RBFOX1: variants seen among roughly 807,000 people sequenced by gnomAD.
RBFOX1 encodes RNA binding fox-1 homolog 1.
Under a neutral mutation model 57.7 loss-of-function variants are expected in RBFOX1, and 8 were observed. The observed-to-expected ratio is 0.14, with a 90% confidence interval of 0.08 to 0.25. The LOEUF (loss-of-function observed/expected upper bound fraction) is 0.25. RBFOX1 is among the 10% of genes least tolerant of loss of function. The probability of loss-of-function intolerance (pLI) is 1.00; values close to 1 mark genes in which losing one functional copy is unlikely to be tolerated. For missense variants in RBFOX1, 611 were observed against 548.5 expected (o/e 1.11, Z -1.14); for synonymous variants, 326 against 222.4 (o/e 1.47, Z -4.15).
intron 1 of RBFOX1, among the ~76,000 whole-genome samples, chr16:5,286,066 G>T (rs1322460030): frequency 2.6e-5 from 4 of 152,144 alleles, no homozygotes; most frequent in Non-Finnish European, 4.4e-5. Flanking sequence ...CACCACACCT[G>T]GCCAGACTGC....
intron 2 of RBFOX1, among the ~76,000 whole-genome samples, chr16:5,480,568 C>T (rs1000927644): frequency 6.6e-6 from 1 of 152,222 alleles, no homozygotes; most frequent in Non-Finnish European, 1.5e-5. Context: ...CCCAGTCCAC[C>T]AGCCCAGCCT....
At chr16:5,874,869 C>T (rs1460890579) in intron 4 of RBFOX1, among the ~76,000 whole-genome samples, 2 of 152,150 alleles carry the variant, frequency 1.3e-5, no homozygotes, top group South Asian at 2.1e-4. Context: ...CACTTGGGAC[C>T]CAGGAGTTTG....
intron 3 of RBFOX1, among the ~76,000 whole-genome samples, chr16:5,765,548 C>T (rs958238459): frequency 5.9e-5 from 9 of 152,168 alleles, no homozygotes; most frequent in African/African-American, 1.9e-4. Flanking sequence ...TACCTAGTGC[C>T]AGACACACAG....
chr16:6,961,557 C>G (rs2083019515), intron 3 of RBFOX1, among the ~76,000 whole-genome samples: 1 of 152,194 alleles, frequency 6.6e-6, no homozygotes, highest in Admixed American at 6.5e-5. Context: ...AGCGAAGAAA[C>G]AAACGAATGG....
intron 2 of RBFOX1, among the ~76,000 whole-genome samples, chr16:5,476,652 T>G (rs931608695): frequency 5.3e-5 from 8 of 152,228 alleles, no homozygotes; most frequent in African/African-American, 1.9e-4. Flanking sequence ...ATTTACTTGT[T>G]GAGGACAAGA....
At chr16:6,962,613 C>G (rs1038678870) in intron 3 of RBFOX1, among the ~76,000 whole-genome samples, 3 of 152,058 alleles carry the variant, frequency 2.0e-5, no homozygotes, top group Non-Finnish European at 4.4e-5. Context: ...ACCTATAATC[C>G]CAGGGCTTTG....
intron 3 of RBFOX1, among the ~76,000 whole-genome samples, chr16:6,837,981 C>T (rs2093222269): frequency 1.3e-5 from 2 of 151,018 alleles, no homozygotes; most frequent in Non-Finnish European, 2.9e-5. Flanking sequence ...CACCCCTTTC[C>T]ATGGCAATAC....
intron 11 of RBFOX1, among the ~76,000 whole-genome samples, chr16:7,645,561 C>G (rs2063585595): frequency 6.6e-6 from 1 of 152,162 alleles, no homozygotes; most frequent in Non-Finnish European, 1.5e-5. Context: ...AACAAATGAG[C>G]AGAGATTTAT....
intron 4 of RBFOX1, among the ~76,000 whole-genome samples, chr16:7,125,798 A>G (rs1176054137): frequency 1.3e-5 from 2 of 152,108 alleles, no homozygotes; most frequent in Non-Finnish European, 2.9e-5. Context: ...AATTTACATG[A>G]ATAGCCAGGC....
Position 7,444,957 on chromosome 16 carries a change from T to C in RBFOX1, c.28-73190T>C, listed in dbSNP as rs8051397. On this transcript the variant is annotated intron_variant, in intron 4 of 15. Transcript: ENST00000550418. ...TCAACAAATCCGTAATCATGGTGTGTCATATGAAGAACATGTTCTAACTCT... is the reference window on the plus strand; with the variant it reads ...TCAACAAATCCGTAATCATGGTGTGCCATATGAAGAACATGTTCTAACTCT... Among the ~76,000 whole-genome samples, 785 of 152,260 alleles carry C rather than the reference T, an allele frequency of 5.2e-3. 6 individuals are homozygous for C. The highest frequency in any genetic ancestry group is 0.017 in the African/African-American group (721 of 41,552).
At chr16:7,467,874 A>G (rs892705841) in intron 4 of RBFOX1, among the ~76,000 whole-genome samples, 1 of 152,196 alleles carries the variant, frequency 6.6e-6, no homozygotes, top group African/African-American at 2.4e-5. Flanking sequence ...AATGAGCCTG[A>G]TCTGATTCAG....
intron 3 of RBFOX1, among the ~76,000 whole-genome samples, chr16:5,608,157 C>A (rs2047653540): frequency 6.6e-6 from 1 of 152,200 alleles, no homozygotes; most frequent in South Asian, 2.1e-4. Flanking sequence ...CACTTGGAAG[C>A]TCATTGTCTG....
At chr16:7,004,559 A>T (rs2093131920) in intron 3 of RBFOX1, among the ~76,000 whole-genome samples, 1 of 152,314 alleles carries the variant, frequency 6.6e-6, no homozygotes, top group South Asian at 2.1e-4. Flanking sequence ...CGTCCTAGCT[A>T]TGTATCTAAG....
At chr16:6,750,154 G>A (rs2074638602) in intron 3 of RBFOX1, among the ~76,000 whole-genome samples, 1 of 152,162 alleles carries the variant, frequency 6.6e-6, no homozygotes. Flanking sequence ...GTGGCATGCT[G>A]GAGAGAGCAA....
intron 1 of RBFOX1, among the ~76,000 whole-genome samples, chr16:5,462,389 T>G (rs956946102): frequency 6.6e-6 from 1 of 151,946 alleles, no homozygotes; most frequent in Non-Finnish European, 1.5e-5. Context: ...AGGCTGGTCT[T>G]GATCTCCTGA....
intron 3 of RBFOX1, among the ~76,000 whole-genome samples, chr16:6,775,169 C>CAA (rs74584596): frequency 0.043 from 3,648 of 84,038 alleles, 137 homozygotes; most frequent in African/African-American, 0.11. Flanking sequence ...ACTAAAAGTA[C>CAA]AAAAAAAAAA....
At chr16:5,355,457 G>T (rs1053873630) in intron 1 of RBFOX1, among the ~76,000 whole-genome samples, 2 of 152,176 alleles carry the variant, frequency 1.3e-5, no homozygotes, top group African/African-American at 4.8e-5. Flanking sequence ...TCAATGTCTG[G>T]GTCAGGAGGC....
intron 1 of RBFOX1, among the ~76,000 whole-genome samples, chr16:6,256,006 A>G (rs2097658995): frequency 6.6e-6 from 1 of 151,142 alleles, no homozygotes; most frequent in African/African-American, 2.4e-5. Context: ...ATGTATATCT[A>G]TGTAACCTGC....
chr16:6,508,909 A>T (rs982376391), intron 2 of RBFOX1, among the ~76,000 whole-genome samples: 7 of 152,150 alleles, frequency 4.6e-5, no homozygotes, highest in Non-Finnish European at 7.3e-5. Flanking sequence ...TGTTGTTATC[A>T]TTAATGGTAT....
Sources: allele counts gnomAD v4.1 joint callset (sites outside exome capture counted in the v4.1 genomes callset), GRCh38; gene constraint gnomAD v4.1.1; transcripts MANE v1.5; gene names NCBI Gene and HGNC (gene_info 2026-07-23, HGNC 2026-07-21).